The following AGBL3 variants were observed in gnomAD, a reference collection of about 807,000 sequenced individuals.
The protein encoded by AGBL3 is cytosolic carboxypeptidase 3.
In AGBL3, 68 loss-of-function variants were observed where a neutral mutation model predicts 94.5. That is an observed-to-expected ratio of 0.72 (90% CI 0.59 to 0.88). AGBL3 has a LOEUF of 0.88. AGBL3 is among the 40% of genes least tolerant of loss of function. AGBL3 has a pLI of 0.00. For synonymous variants in AGBL3, 354 were observed against 370.7 expected (o/e 0.95, Z 0.52); for missense variants, 934 against 1,103.8 (o/e 0.85, Z 2.18).
intron 15 of AGBL3, among the ~76,000 whole-genome samples, chr7:135,082,711 T>C (rs1438923235): frequency 6.6e-6 from 1 of 152,160 alleles, no homozygotes; most frequent in Non-Finnish European, 1.5e-5. Flanking sequence ...ATTTGGTTCA[T>C]TGTGCTTGAC....
intron 12 of AGBL3, among the ~76,000 whole-genome samples, chr7:135,069,748 C>CT (rs1819700226): frequency 6.6e-6 from 1 of 151,998 alleles, no homozygotes; most frequent in South Asian, 2.1e-4. Context: ...ATTTATAGCA[C>CT]TAAATGCCCA....
At chr7:135,040,959 A>T (rs1186379840) in intron 8 of AGBL3, among the ~76,000 whole-genome samples, 2 of 151,882 alleles carry the variant, frequency 1.3e-5, no homozygotes, top group East Asian at 3.8e-4. Flanking sequence ...TCAACCCACA[A>T]AAAACAATTG....
intron 8 of AGBL3, 55 bp from the exon 9 acceptor site, chr7:135,043,970 A>G: frequency 6.6e-7 from 1 of 1,517,516 alleles, no homozygotes; most frequent in Non-Finnish European, 8.9e-7. Context: ...ACTACTTTCA[A>G]AAAAAGATAT....
chr7:135,091,308 T>C (rs1476167532), intron 15 of AGBL3, among the ~76,000 whole-genome samples: 1 of 152,190 alleles, frequency 6.6e-6, no homozygotes, highest in Non-Finnish European at 1.5e-5. Context: ...CCTCAGTATA[T>C]GTGGGGGATT....
intron 16 of AGBL3, among the ~76,000 whole-genome samples, chr7:135,125,203 A>G (rs777707009): frequency 6.6e-6 from 1 of 152,166 alleles, no homozygotes; most frequent in Non-Finnish European, 1.5e-5. Flanking sequence ...AATAAAAATG[A>G]TAAGGGGATA....
intron 8 of AGBL3, among the ~76,000 whole-genome samples, chr7:135,039,325 G>A (rs1816615148): frequency 6.6e-6 from 1 of 152,128 alleles, no homozygotes; most frequent in Admixed American, 6.5e-5. Flanking sequence ...AACTCTTAAG[G>A]AACATTAGAA....
chr7:135,018,452 G>A (rs562344379), intron 5 of AGBL3, among the ~76,000 whole-genome samples: 1 of 152,342 alleles, frequency 6.6e-6, no homozygotes, highest in Admixed American at 6.5e-5. Flanking sequence ...GTATAATGTG[G>A]AGAAGAGTAG....
At chr7:135,026,858 G>C (rs1025907703) in intron 5 of AGBL3, among the ~76,000 whole-genome samples, 19 of 151,448 alleles carry the variant, frequency 1.3e-4, no homozygotes, top group African/African-American at 4.6e-4. Flanking sequence ...ATATATGTTT[G>C]GGTTTGGCTC....
At position 135,074,050 on chromosome 7, in the gene AGBL3, T is replaced by TAG. The variant is rs34870410; in HGVS notation, c.1909-2347_1909-2346insAG. ...ATTGTATTGTATACTTGAAATTTGC[T>TAG]GAGAATGGGTCTTAAGTATTCTCAT... On this transcript the variant is annotated intron_variant, in intron 12 of 16. Coordinates refer to ENST00000436302, the MANE Select transcript of AGBL3 (RefSeq NM_178563.4). Among the ~76,000 whole-genome samples the TAG allele has an allele frequency of 7.9e-5, 12 of 152,170 alleles. No individual in the cohort carries two copies. In the South Asian group the frequency reaches 1.5e-3, roughly 18 times the overall value.
chr7:135,046,366 T>C (rs1486677215), intron 11 of AGBL3, among the ~76,000 whole-genome samples: 1 of 152,154 alleles, frequency 6.6e-6, no homozygotes, highest in Non-Finnish European at 1.5e-5. Flanking sequence ...GGCTTCACTC[T>C]TGGTGTTAAT....
At chr7:135,006,826 G>T (rs1328007362) in intron 4 of AGBL3, among the ~76,000 whole-genome samples, 1 of 151,892 alleles carries the variant, frequency 6.6e-6, no homozygotes, top group Non-Finnish European at 1.5e-5. Context: ...AACTTGTGAT[G>T]ATGTATGTAA....
At chr7:135,074,891 G>A (rs10250350) in intron 12 of AGBL3, among the ~76,000 whole-genome samples, 73,746 of 151,912 alleles carry the variant, frequency 0.49, 18,257 homozygotes, top group South Asian at 0.66. Flanking sequence ...ATTATGTGCC[G>A]TATTTTGAGT....
chr7:135,011,277 G>A (rs916742665), intron 4 of AGBL3: 5 of 152,066 alleles, frequency 3.3e-5, no homozygotes, highest in Non-Finnish European at 7.4e-5. Context: ...TTTTAAATGG[G>A]TTATGGATAT....
chr7:135,026,769 C>T (rs760476839), intron 5 of AGBL3, among the ~76,000 whole-genome samples: 5 of 150,996 alleles, frequency 3.3e-5, no homozygotes, highest in Non-Finnish European at 7.4e-5. Context: ...TATAGTAGTA[C>T]CTTACTTTAA....
At chr7:135,110,570 C>T (rs1825485242) in intron 15 of AGBL3, among the ~76,000 whole-genome samples, 1 of 152,200 alleles carries the variant, frequency 6.6e-6, no homozygotes, top group African/African-American at 2.4e-5. Context: ...CACTGACTCA[C>T]CCCTTCCTTG....
At chr7:135,063,762 G>T (rs970046276) in intron 12 of AGBL3, among the ~76,000 whole-genome samples, 7 of 152,142 alleles carry the variant, frequency 4.6e-5, no homozygotes, top group Admixed American at 3.3e-4. Flanking sequence ...TTTAGGTTTT[G>T]TTAGGACAGC....
intron 15 of AGBL3, among the ~76,000 whole-genome samples, chr7:135,087,445 A>G (rs1407204993): frequency 6.6e-6 from 1 of 151,670 alleles, no homozygotes; most frequent in Admixed American, 6.6e-5. Context: ...AAATCTTTCT[A>G]CTTTTTGGAT....
chr7:135,055,652 T>G (rs11761714), intron 11 of AGBL3, among the ~76,000 whole-genome samples: 141,236 of 152,110 alleles, frequency 0.93, 66,401 homozygotes, highest in Non-Finnish European at 1. Context: ...TTCCTTGTTG[T>G]ACTCAATTTG....
chr7:135,045,239 A>AT (rs1325814286), intron 9 of AGBL3, among the ~76,000 whole-genome samples: 4 of 152,012 alleles, frequency 2.6e-5, no homozygotes, highest in Admixed American at 1.3e-4. Context: ...GTCTTATTGA[A>AT]TTTTTTTATG....
Sources: allele counts gnomAD v4.1 joint callset (sites outside exome capture counted in the v4.1 genomes callset), GRCh38; gene constraint gnomAD v4.1.1; transcripts MANE v1.5; gene names NCBI Gene and HGNC (gene_info 2026-07-23, HGNC 2026-07-21).